The following CENPQ variants were observed in gnomAD, a reference collection of about 807,000 sequenced individuals.
CENPQ encodes the protein centromere protein Q, also known as chromosome 6 open reading frame 139.
Under a neutral mutation model 36.6 loss-of-function variants are expected in CENPQ, and 27 were observed. The observed-to-expected ratio is 0.74, with a 90% confidence interval of 0.54 to 1.02. The LOEUF (loss-of-function observed/expected upper bound fraction) is 1.02, where lower values mean the gene tolerates loss of function less well. CENPQ is among the 50% of genes least tolerant of loss of function. CENPQ has a pLI of 0.00. For missense variants in CENPQ, 306 were observed against 301.8 expected (o/e 1.01, Z -0.10); for synonymous variants, 101 against 101.7 (o/e 0.99, Z 0.04).
chr6:49,491,854 G>A (rs1416257621), intron 8 of CENPQ, among the ~76,000 whole-genome samples: 1 of 152,198 alleles, frequency 6.6e-6, no homozygotes, highest in Admixed American at 6.5e-5. Flanking sequence ...GCTGGAGGTT[G>A]CAGTGAGCCA....
At chr6:49,480,699 A>ATTGAC (rs1768405797) in intron 5 of CENPQ, among the ~76,000 whole-genome samples, 1 of 152,178 alleles carries the variant, frequency 6.6e-6, no homozygotes, top group South Asian at 2.1e-4. Context: ...TCAAATGTGT[A>ATTGAC]AGATAGAAAA....
At chr6:49,488,900 T>A (rs529275585) in intron 8 of CENPQ, among the ~76,000 whole-genome samples, 1 of 152,192 alleles carries the variant, frequency 6.6e-6, no homozygotes, top group Non-Finnish European at 1.5e-5. Context: ...GGACATACCT[T>A]AATTTAGAAA....
At position 49,471,118 on chromosome 6, in the gene CENPQ, T is replaced by A. The variant is rs571451613; in HGVS notation, c.157+90T>A. ...AAATGTTCAGCATCTTGTTTATGAG[T>A]TCTGCAAAAGATAGTAATAAACAAC... On this transcript the variant is annotated intron_variant, in intron 3 of 8. Coordinates refer to ENST00000335783, the MANE Select transcript of CENPQ (RefSeq NM_018132.4). The A allele has an allele frequency of 8.5e-6, 6 of 709,254 alleles. No homozygotes were observed. In the African/African-American group the frequency reaches 1.1e-4, roughly 13 times the overall value. The allele number at this position is 709,254 out of a possible 1,614,324, so 43.9% of individuals were successfully genotyped here. A position where few individuals can be genotyped will look rare whatever the true frequency, so the allele number is the denominator to read the frequency against.
chr6:49,490,009 AG>A (rs1309863597), intron 8 of CENPQ, among the ~76,000 whole-genome samples: 1 of 152,228 alleles, frequency 6.6e-6, no homozygotes, highest in African/African-American at 2.4e-5. Context: ...ATGATCAGTG[AG>A]CATTGGCTTC....
intron 6 of CENPQ, among the ~76,000 whole-genome samples, chr6:49,485,158 G>A (rs1348929363): frequency 6.6e-6 from 1 of 152,196 alleles, no homozygotes; most frequent in Non-Finnish European, 1.5e-5. Context: ...AACTCTATCT[G>A]TATTCATTAG....
intron 6 of CENPQ, among the ~76,000 whole-genome samples, chr6:49,481,703 C>T (rs765679531): frequency 2.0e-5 from 3 of 152,176 alleles, no homozygotes; most frequent in Non-Finnish European, 4.4e-5. Context: ...TTTACAATCC[C>T]TGAGCTAGAC....
Position 49,470,883 on chromosome 6 carries a change from T to C in CENPQ, c.103-91T>C, listed in dbSNP as rs372751137. 1.7e-4 allele frequency: 111 copies of C among 664,658 alleles called. 1 individual carries two copies. The East Asian group carries it at 2.5e-3, about 15-fold the overall frequency. 41.2% of individuals were successfully genotyped at this position (664,658 alleles called of 1,614,324 possible). ...TGTACTAGAAATTATATGAATACTCTTTGACATATATAAAAATCTATTGTA... is the reference window on the plus strand; with the variant it reads ...TGTACTAGAAATTATATGAATACTCCTTGACATATATAAAAATCTATTGTA... On this transcript the variant is annotated intron_variant, in intron 2 of 8. Transcript: ENST00000335783.
intron 5 of CENPQ, among the ~76,000 whole-genome samples, chr6:49,476,543 C>G (rs1203562461): frequency 6.6e-6 from 1 of 152,174 alleles, no homozygotes; most frequent in African/African-American, 2.4e-5. Flanking sequence ...ACACCAAAAG[C>G]AATGACAACA....
At chr6:49,485,484 C>T (rs1377740669) in intron 6 of CENPQ, among the ~76,000 whole-genome samples, 1 of 152,094 alleles carries the variant, frequency 6.6e-6, no homozygotes, top group African/African-American at 2.4e-5. Flanking sequence ...AAATAACATT[C>T]CTGATACACC....
At chr6:49,488,807 C>A in intron 8 of CENPQ, 123 bp downstream of exon 8, 1 of 750,554 alleles carries the variant, frequency 1.3e-6, no homozygotes, top group Non-Finnish European at 2.3e-6. Flanking sequence ...TTTGGTTTCC[C>A]ACGGCATATG....
intron 5 of CENPQ, among the ~76,000 whole-genome samples, chr6:49,480,680 T>C (rs1352360401): frequency 3.3e-5 from 5 of 151,828 alleles, no homozygotes; most frequent in African/African-American, 1.2e-4. Flanking sequence ...TTAAAATGTA[T>C]ATAAATTGTC....
chr6:49,470,310 A>G (rs1434443443), intron 2 of CENPQ, 32 bp downstream of exon 2: 3 of 1,401,356 alleles, frequency 2.1e-6, no homozygotes, highest in Non-Finnish European at 3.0e-6. Context: ...TCATTTAGAA[A>G]TCTTCAACTG....
At chr6:49,473,664 A>T (rs189545521) in intron 5 of CENPQ, among the ~76,000 whole-genome samples, 2 of 152,190 alleles carry the variant, frequency 1.3e-5, no homozygotes, top group African/African-American at 4.8e-5. Context: ...AAATTCACAC[A>T]TAACAATATT....
intron 6 of CENPQ, 46 bp from the exon 7 acceptor site, chr6:49,488,303 TATA>T: frequency 1.4e-6 from 2 of 1,386,688 alleles, no homozygotes; most frequent in South Asian, 2.6e-5. Context: ...TAGGATTTAA[TATA>T]ATAATGTGTT....
intron 1 of CENPQ, among the ~76,000 whole-genome samples, chr6:49,463,755 ATTAGTGT>A: frequency 6.6e-6 from 1 of 152,158 alleles, no homozygotes; most frequent in African/African-American, 2.4e-5. Context: ...AGCCTTGGAC[ATTAGTGT>A]CTGTGTTTCT....
chr6:49,466,668 C>T (rs1768007220), intron 1 of CENPQ, among the ~76,000 whole-genome samples: 1 of 151,866 alleles, frequency 6.6e-6, no homozygotes, highest in South Asian at 2.1e-4. Context: ...TGTGAGTAGC[C>T]CAGAAGTGAT....
rs1768093234 is a variant in CENPQ, at chr6:49,470,153, T to C, written c.-18-6T>C. The C allele has an allele frequency of 5.0e-6, 6 of 1,193,882 alleles. No homozygotes were observed. Among genetic ancestry groups the C allele is most frequent in the Middle Eastern group, 2.1e-4 (1 of 4,874 alleles). The allele number at this position is 1,193,882 out of a possible 1,614,324, so 74.0% of individuals were successfully genotyped here. A position where few individuals can be genotyped will look rare whatever the true frequency, so the allele number is the denominator to read the frequency against. ...TCATCTTTACAGATTTTTTTTTTTT[T>C]CGAAGCACTGTGTTTAGATCAAGAT... On this transcript the variant is annotated splice_region_variant and splice_polypyrimidine_tract_variant and intron_variant, in intron 1 of 8. Transcript: ENST00000335783.
At chr6:49,472,769 C>G in intron 4 of CENPQ, 21 bp from the exon 5 acceptor site, 2 of 1,415,676 alleles carry the variant, frequency 1.4e-6, no homozygotes, top group Non-Finnish European at 1.9e-6. Flanking sequence ...ACTATTTATT[C>G]CATCTTTTTT....
At chr6:49,474,860 T>C (rs1269901337) in intron 5 of CENPQ, among the ~76,000 whole-genome samples, 1 of 151,942 alleles carries the variant, frequency 6.6e-6, no homozygotes, top group Non-Finnish European at 1.5e-5. Flanking sequence ...CAAACTACCA[T>C]CAGAGAATAC....
Sources: gnomAD v4.1 joint callset for allele counts (sites outside exome capture counted in the v4.1 genomes callset) on GRCh38, gnomAD v4.1.1 for gene constraint, MANE v1.5 for transcripts, NCBI Gene and HGNC (gene_info 2026-07-23, HGNC 2026-07-21) for gene names.